The following ANK2 variants were observed in gnomAD, a reference collection of about 807,000 sequenced individuals.
ANK2 encodes the protein ankyrin 2.
A neutral mutation model predicts 360.5 loss-of-function variants in ANK2; 83 were observed. The observed-to-expected ratio is 0.23, with a 90% CI of 0.19 to 0.28. The LOEUF (loss-of-function observed/expected upper bound fraction) is 0.28. Among genes scored for constraint, ANK2 ranks in the 10% least tolerant of loss-of-function variants. The probability of loss-of-function intolerance (pLI) is 1.00; values close to 1 mark genes in which losing one functional copy is unlikely to be tolerated. For synonymous variants in ANK2, 1,740 were observed against 1,759.5 expected, an observed-to-expected ratio of 0.99 and a Z score of 0.28; for missense variants, 4,201 against 4,795.7, an observed-to-expected ratio of 0.88 and a Z score of 3.66.
At chr4:113,254,690 AT>A (rs2048349726) in intron 10 of ANK2, among the ~76,000 whole-genome samples, 1 of 152,230 alleles carries the variant, frequency 6.6e-6, no homozygotes, top group Non-Finnish European at 1.5e-5. Context: ...ACAATTAAGA[AT>A]TAATGTATTT....
the ANK2 span, among the ~76,000 whole-genome samples, chr4:112,730,252 C>CAAAAAAAAAAAAAAAAAA: frequency 2.0e-5 from 1 of 50,900 alleles, no homozygotes; most frequent in Non-Finnish European, 3.3e-5. Context: ...GACTCTGTCT[C>CAAAAAAAAAAAAAAAAAA]AAAAAAAAAA....
chr4:113,373,842 A>C (rs1332699912), intron 45 of ANK2, among the ~76,000 whole-genome samples: 1 of 152,240 alleles, frequency 6.6e-6, no homozygotes, highest in Admixed American at 6.5e-5. Flanking sequence ...CAGCCTTCAG[A>C]AAGTCACTCT....
chr4:113,290,171 GT>G (rs60417827), intron 20 of ANK2, among the ~76,000 whole-genome samples: 5,714 of 109,908 alleles, frequency 0.052, 267 homozygotes, highest in East Asian at 0.3. Flanking sequence ...AGTTTTTTTT[GT>G]TTTTTTTTTT....
intron 2 of ANK2, among the ~76,000 whole-genome samples, chr4:112,920,661 T>G (rs2091233572): frequency 6.6e-6 from 1 of 152,244 alleles, no homozygotes; most frequent in Admixed American, 6.5e-5. Flanking sequence ...CCATATTAGT[T>G]ATAAATAGTG....
At chr4:113,250,419 T>C (rs2045517944) in intron 10 of ANK2, among the ~76,000 whole-genome samples, 1 of 152,218 alleles carries the variant, frequency 6.6e-6, no homozygotes, top group South Asian at 2.1e-4. Flanking sequence ...ATTTTCTTTA[T>C]GACATACTAC....
chr4:112,915,983 ATTCCTGCGTAACTC>A (rs1203367737), intron 2 of ANK2, among the ~76,000 whole-genome samples: 2 of 152,076 alleles, frequency 1.3e-5, no homozygotes, highest in African/African-American at 4.8e-5. Flanking sequence ...AAAGTTTTCC[ATTCCTGCGTAACTC>A]TTTGGTGTTT....
the ANK2 span, among the ~76,000 whole-genome samples, chr4:112,710,653 G>T: frequency 6.6e-6 from 1 of 150,654 alleles, no homozygotes; most frequent in African/African-American, 2.4e-5. Context: ...AGCCGAGATT[G>T]CACCACTGCA....
chr4:113,076,869 A>G (rs572216302), intron 1 of ANK2, among the ~76,000 whole-genome samples: 6 of 152,198 alleles, frequency 3.9e-5, no homozygotes, highest in East Asian at 3.9e-4. Flanking sequence ...ATTAGTGACC[A>G]TGTTGCATTT....
intron 2 of ANK2, among the ~76,000 whole-genome samples, chr4:113,036,838 A>C (rs1039901288): frequency 6.6e-6 from 1 of 151,814 alleles, no homozygotes; most frequent in African/African-American, 2.4e-5. Context: ...TGGCATGCTT[A>C]CTAGCCAGTA....
chr4:113,233,750 A>G (rs1478172738), intron 5 of ANK2, among the ~76,000 whole-genome samples: 2 of 152,182 alleles, frequency 1.3e-5, no homozygotes, highest in Admixed American at 6.5e-5. Flanking sequence ...AGAAATCACT[A>G]TTAATGAGAC....
At chr4:113,147,767 C>T (rs1308002516) in intron 1 of ANK2, among the ~76,000 whole-genome samples, 1 of 152,218 alleles carries the variant, frequency 6.6e-6, no homozygotes, top group Non-Finnish European at 1.5e-5. Flanking sequence ...CTGAAATGAG[C>T]TTGGCTTTTA....
intron 2 of ANK2, among the ~76,000 whole-genome samples, chr4:112,981,447 G>A (rs542145339): frequency 3.9e-5 from 6 of 152,196 alleles, no homozygotes; most frequent in South Asian, 4.1e-4. Context: ...TATGGGAGAA[G>A]GTCTGGATTA....
chr4:112,890,950 C>T (rs368961722), intron 1 of ANK2, among the ~76,000 whole-genome samples: 2 of 152,172 alleles, frequency 1.3e-5, no homozygotes, highest in South Asian at 4.1e-4. Context: ...TTTTCATTTA[C>T]AGTAGAAAAA....
At chr4:113,325,111 A>G (rs2089031867) in intron 26 of ANK2, among the ~76,000 whole-genome samples, 2 of 152,332 alleles carry the variant, frequency 1.3e-5, no homozygotes, top group South Asian at 4.1e-4. Context: ...TCTACTTTGC[A>G]TGATTGCTGA....
chr4:112,976,471 G>T (rs551372952), intron 2 of ANK2, among the ~76,000 whole-genome samples: 1 of 152,278 alleles, frequency 6.6e-6, no homozygotes, highest in African/African-American at 2.4e-5. Flanking sequence ...TGGATTACAG[G>T]CGTGAGCCGT....
chr4:112,819,629 A>C (rs1049958299), intron 1 of ANK2, among the ~76,000 whole-genome samples: 3 of 152,098 alleles, frequency 2.0e-5, no homozygotes, highest in Non-Finnish European at 4.4e-5. Flanking sequence ...TTCCCCTCCC[A>C]TTCTATTCCA....
At chr4:113,351,963 T>G (rs1273220066) in intron 37 of ANK2, among the ~76,000 whole-genome samples, 1 of 152,244 alleles carries the variant, frequency 6.6e-6, no homozygotes, top group African/African-American at 2.4e-5. Flanking sequence ...CTGAGTTTTC[T>G]TCCTTAACCT....
intron 2 of ANK2, among the ~76,000 whole-genome samples, chr4:112,945,629 T>C (rs932553854): frequency 6.6e-6 from 1 of 152,158 alleles, no homozygotes; most frequent in Non-Finnish European, 1.5e-5. Context: ...ATTTCCTTTG[T>C]CACTGGGTAA....
rs1563808779 is a variant in ANK2 at position 113,330,377 on chromosome 4, G to A, written c.3032G>A (p.Arg1011His). ...PTRVTCRLVK[R>H]HRLATMPPMV... is the part of the protein sequence containing the mutation. ...CGAGTCACCTGCCGACTGGTCAAGCGCCACAGACTGGCAACAATGCCTCCA... is the reference window on the plus strand; with the variant it reads ...CGAGTCACCTGCCGACTGGTCAAGCACCACAGACTGGCAACAATGCCTCCA... Residue 1011 changes from arginine (R) to histidine (H), a missense_variant, in exon 27 of 46, where the codon CGC becomes CAC. Arg to His is a conservative substitution (Grantham distance 29). Transcript: ENST00000357077. 4.3e-6 allele frequency: 7 copies of A among 1,614,226 alleles called. No individual in the cohort carries two copies. The highest frequency in any genetic ancestry group is 5.9e-6 in the Non-Finnish European group (7 of 1,180,046).
Sources: gnomAD v4.1 joint callset for allele counts (sites outside exome capture counted in the v4.1 genomes callset) on GRCh38, gnomAD v4.1.1 for gene constraint, MANE v1.5 for transcripts, NCBI Gene and HGNC (gene_info 2026-07-23, HGNC 2026-07-21) for gene names.